Variants in GABPB1 observed in about 807,000 individuals in gnomAD.
The protein encoded by GABPB1 is GA-binding protein subunit beta-1.
In GABPB1, 15 loss-of-function variants were observed where a neutral mutation model predicts 45.9. The observed-to-expected ratio is 0.33, with a 90% CI of 0.22 to 0.50. GABPB1 has a LOEUF of 0.50. Among genes scored for constraint, GABPB1 ranks in the 20% least tolerant of loss-of-function variants. The pLI is 0.98. For missense variants in GABPB1, 252 were observed against 457.5 expected, an observed-to-expected ratio of 0.55 and a Z score of 4.10; for synonymous variants, 143 against 154.4, an observed-to-expected ratio of 0.93 and a Z score of 0.55.
intron 2 of GABPB1, among the ~76,000 whole-genome samples, chr15:50,308,796 A>T (rs1462951563): frequency 6.6e-6 from 1 of 152,186 alleles, no homozygotes; most frequent in East Asian, 1.9e-4. Flanking sequence ...TTCATCAAAA[A>T]GTCTTTATTC....
intron 2 of GABPB1, among the ~76,000 whole-genome samples, chr15:50,305,253 T>C (rs1285301427): frequency 6.6e-6 from 1 of 152,144 alleles, no homozygotes; most frequent in African/African-American, 2.4e-5. Context: ...AAGTGAGATA[T>C]ATGTATAAAG....
chr15:50,303,564 C>A (rs940874495), intron 3 of GABPB1, among the ~76,000 whole-genome samples: 1 of 151,880 alleles, frequency 6.6e-6, no homozygotes, highest in Non-Finnish European at 1.5e-5. Flanking sequence ...CGCCTGTAGT[C>A]CCAGCTACTC....
intron 1 of GABPB1, among the ~76,000 whole-genome samples, chr15:50,348,247 A>G (rs1379267836): frequency 6.6e-6 from 1 of 151,998 alleles, no homozygotes; most frequent in East Asian, 1.9e-4. Flanking sequence ...CAGGACCAAC[A>G]GGAGTAGTTT....
intron 1 of GABPB1, among the ~76,000 whole-genome samples, chr15:50,334,769 G>T (rs891413498): frequency 6.6e-6 from 1 of 151,714 alleles, no homozygotes; most frequent in Non-Finnish European, 1.5e-5. Context: ...ATTCGATTTG[G>T]TTTTTTCAAA....
intron 2 of GABPB1, 57 bp downstream of exon 2, chr15:50,309,634 G>A (rs1445853099): frequency 2.7e-6 from 3 of 1,091,560 alleles, no homozygotes; most frequent in African/African-American, 3.1e-5. Context: ...ATTTTTCTCT[G>A]CAAAAACTCA....
At position 50,311,356 on chromosome 15, in the gene GABPB1, G is replaced by A. The variant is rs979721830; in HGVS notation, c.1-1558C>T. On this transcript the variant is annotated intron_variant, in intron 1 of 8. Coordinates refer to ENST00000380877, the MANE Select transcript of GABPB1 (RefSeq NM_016654.5). ...CCTGAGATTTACAATGAAAAAATGT[G>A]CCTGGGGTATAAATTTATCTCAAAA... Among the ~76,000 whole-genome samples, 16 of 152,082 alleles carry A rather than the reference G, an allele frequency of 1.1e-4. 1 individual carries two copies. Among genetic ancestry groups the A allele is most frequent in the African/African-American group, 3.6e-4 (15 of 41,428 alleles).
intron 2 of GABPB1, among the ~76,000 whole-genome samples, chr15:50,305,396 A>G (rs756404175): frequency 8.5e-5 from 13 of 152,094 alleles, no homozygotes; most frequent in Non-Finnish European, 1.5e-4. Flanking sequence ...GCTGGGGTGC[A>G]ATGGATATTC....
chr15:50,325,970 C>T (rs1485115310), intron 1 of GABPB1, among the ~76,000 whole-genome samples: 1 of 151,238 alleles, frequency 6.6e-6, no homozygotes, highest in Admixed American at 6.6e-5. Context: ...TGCAATGGCA[C>T]GATCTCAGCT....
rs371294699 is a variant in GABPB1, at chr15:50,339,731, T to C, written c.-1+15254A>G. 2.8e-4 allele frequency among the ~76,000 whole-genome samples: 42 copies of C among 152,312 alleles called. No homozygotes were observed. The East Asian group carries it at 6.5e-3, about 24-fold the overall frequency. On this transcript the variant is annotated intron_variant, in intron 1 of 8. Coordinates refer to ENST00000380877, the MANE Select transcript of GABPB1 (RefSeq NM_016654.5). ...TATTGATGACTACTTAATATTCATG[T>C]TTAAGATAAGCTCGAAAGTTCCATA... is the stretch of plus-strand genomic sequence containing the variant.
intron 1 of GABPB1, among the ~76,000 whole-genome samples, chr15:50,329,519 G>GT (rs887776381): frequency 2.0e-5 from 3 of 152,030 alleles, no homozygotes; most frequent in East Asian, 3.8e-4. Context: ...AAAGGTGGGG[G>GT]TTTTTTTGCA....
In GABPB1 at chr15:50,337,129, A is replaced by ATATATATATATATATAT. The variant is rs1173961008; in HGVS notation, c.-1+17855_-1+17856insATATATATATATATATA. ...TATATATATATATATATATATATAT[A>ATATATATATATATATAT]ATATGAAGAGGTCAGAGCCCATCCA... On this transcript the variant is annotated intron_variant, in intron 1 of 8. Transcript: ENST00000380877. Among the ~76,000 whole-genome samples the ATATATATATATATATAT allele has an allele frequency of 7.6e-4, 8 of 10,554 alleles. 2 individuals carry two copies. The highest frequency in any genetic ancestry group is 7.9e-3 in the East Asian group (2 of 252). The allele number at this position is 10,554 out of a possible 152,430, so 6.9% of individuals were successfully genotyped here.
intron 8 of GABPB1, 177 bp downstream of exon 8, chr15:50,285,891 A>G: frequency 7.3e-7 from 1 of 1,364,108 alleles, no homozygotes; most frequent in Non-Finnish European, 9.4e-7. Context: ...TCATTCATTC[A>G]ATATTTATTT....
At chr15:50,303,799 A>G (rs1257462179) in intron 3 of GABPB1, among the ~76,000 whole-genome samples, 167 bp downstream of exon 3, 1 of 152,174 alleles carries the variant, frequency 6.6e-6, no homozygotes, top group Non-Finnish European at 1.5e-5. Flanking sequence ...TTTGTCCCTC[A>G]TGAAATGAAA....
In GABPB1 at chr15:50,306,681, C is replaced by T. The variant is rs574459205; in HGVS notation, c.109-2548G>A. Among the ~76,000 whole-genome samples, 3 of 151,880 alleles carry T rather than the reference C, an allele frequency of 2.0e-5. No homozygotes were observed. In the South Asian group the frequency reaches 6.3e-4, roughly 32 times the overall value. On this transcript the variant is annotated intron_variant, in intron 2 of 8. Coordinates refer to ENST00000380877, the MANE Select transcript of GABPB1 (RefSeq NM_016654.5). ...TGCCACTCCCTGATCACAAGCCCCT[C>T]CCCCAGCCCCAGAGGTAACTAATAT...
At position 50,300,816 on chromosome 15, in the gene GABPB1, G is replaced by C; in HGVS notation, c.670C>G (p.Pro224Ala). The change falls in exon 6 of 9, where the codon CCA (proline) becomes GCA (alanine). Residue 224 changes from proline (P) to alanine (A), a missense_variant. Coordinates refer to ENST00000380877, the MANE Select transcript of GABPB1 (RefSeq NM_016654.5). ...GGAGTTTCTGAAGAATTGGACAATG[G>C]AGCAGATGCTTCAGCTAAGGCAGCT... Reference protein sequence around the residue: ...TLAALAEASAPLSNSSETPVV... With the variant: ...TLAALAEASAALSNSSETPVV... The C allele has an allele frequency of 6.2e-7, 1 of 1,610,888 alleles. No homozygotes were observed. The highest frequency in any genetic ancestry group is 1.7e-5 in the Admixed American group (1 of 60,010).
chr15:50,303,819 C>G, intron 3 of GABPB1, 147 bp downstream of exon 3: 3 of 496,262 alleles, frequency 6.0e-6, no homozygotes, highest in Non-Finnish European at 1.0e-5. Context: ...AGCTATAAGA[C>G]AATTTTCATT....
intron 1 of GABPB1, among the ~76,000 whole-genome samples, chr15:50,312,558 A>C (rs1037016065): frequency 1.3e-5 from 2 of 152,204 alleles, no homozygotes; most frequent in African/African-American, 2.4e-5. Flanking sequence ...ACCTGCAAAA[A>C]TAATTTCCTA....
At chr15:50,338,848 G>C (rs938114727) in intron 1 of GABPB1, among the ~76,000 whole-genome samples, 3 of 152,078 alleles carry the variant, frequency 2.0e-5, no homozygotes, top group Non-Finnish European at 4.4e-5. Flanking sequence ...TTGTTTCTTT[G>C]AATTTCAGAC....
In GABPB1 at chr15:50,276,862, A is replaced by G. The variant is rs564664798; in HGVS notation, c.*1770T>C. On this transcript the variant is annotated 3_prime_UTR_variant, in exon 9 of 9. Transcript: ENST00000380877. ...CAACATTCTCTATTGACTTTTCAGGACTGCAGAAAAAGTCACTTCATGCTA... is the reference window on the plus strand; with the variant it reads ...CAACATTCTCTATTGACTTTTCAGGGCTGCAGAAAAAGTCACTTCATGCTA... 3.9e-5 allele frequency: 6 copies of G among 152,366 alleles called. No individual in the cohort carries two copies. The East Asian group carries it at 1.2e-3, about 29-fold the overall frequency. 9.4% of individuals were successfully genotyped at this position (152,366 alleles called of 1,614,324 possible).
Sources: gnomAD v4.1 joint callset for allele counts (sites outside exome capture counted in the v4.1 genomes callset) on GRCh38, gnomAD v4.1.1 for gene constraint, MANE v1.5 for transcripts, NCBI Gene and HGNC (gene_info 2026-07-23, HGNC 2026-07-21) for gene names.